Variants in CADM2 observed in about 807,000 individuals in gnomAD.
CADM2 encodes immunoglobulin superfamily member 4D.
Under a neutral mutation model 49.8 loss-of-function variants are expected in CADM2, and 12 were observed. That is an observed-to-expected ratio of 0.24 (90% CI 0.15 to 0.39). The LOEUF (loss-of-function observed/expected upper bound fraction) is 0.39. CADM2 is among the 10% of genes least tolerant of loss of function. The pLI, the probability that CADM2 is intolerant of heterozygous loss-of-function variation, is 1.00. For missense variants in CADM2, 378 were observed against 492.3 expected, an observed-to-expected ratio of 0.77 and a Z score of 2.20; for synonymous variants, 214 against 175.4, an observed-to-expected ratio of 1.22 and a Z score of -1.74.
At position 85,002,635 on chromosome 3, in the gene CADM2, C is replaced by G. The variant is rs116672325; in HGVS notation, c.61+42967C>G. Among the ~76,000 whole-genome samples the G allele has an allele frequency of 4.7e-3, 714 of 152,228 alleles. 5 individuals are homozygous for G. Among genetic ancestry groups the G allele is most frequent in the African/African-American group, 0.017 (687 of 41,546 alleles). On this transcript the variant is annotated intron_variant, in intron 1 of 9. Coordinates refer to ENST00000383699, the MANE Select transcript of CADM2 (RefSeq NM_001167675.2). Reference sequence around the variant, plus strand: ...ATTTTCAGCCTAGGCTTTCTAACAACTAGCTGGTGAATATGGTAAAGTTGA... The same window carrying G: ...ATTTTCAGCCTAGGCTTTCTAACAAGTAGCTGGTGAATATGGTAAAGTTGA...
intron 1 of CADM2, among the ~76,000 whole-genome samples, chr3:85,564,167 TTCTCTCTCTCTCTCTCTC>T (rs3086193): frequency 6.7e-6 from 1 of 149,634 alleles, no homozygotes; most frequent in Non-Finnish European, 1.5e-5. Context: ...GAAAGCATGA[TTCTCTCTCTCTCTCTCTC>T]TCTCTCTCTC....
intron 1 of CADM2, among the ~76,000 whole-genome samples, chr3:85,628,734 T>TGTATAA (rs2064210984): frequency 6.6e-6 from 1 of 150,480 alleles, no homozygotes; most frequent in Non-Finnish European, 1.5e-5. Context: ...ATTTATACAC[T>TGTATAA]ATACTCATAC....
intron 1 of CADM2, among the ~76,000 whole-genome samples, chr3:85,696,435 A>T (rs1272615404): frequency 6.6e-6 from 1 of 151,892 alleles, no homozygotes; most frequent in Non-Finnish European, 1.5e-5. Context: ...CCTTGAGTTA[A>T]TTTTTGTATA....
At chr3:85,404,547 A>T (rs2035278472) in intron 1 of CADM2, among the ~76,000 whole-genome samples, 1 of 152,056 alleles carries the variant, frequency 6.6e-6, no homozygotes, top group Non-Finnish European at 1.5e-5. Context: ...TGTTTATTTG[A>T]TTTTCTCCAG....
intron 3 of CADM2, among the ~76,000 whole-genome samples, chr3:85,855,222 C>T (rs1005830436): frequency 6.6e-6 from 1 of 152,108 alleles, no homozygotes; most frequent in Non-Finnish European, 1.5e-5. Context: ...AACACCCTCA[C>T]TAGAACACAG....
rs1021663446 is a variant in CADM2 at position 85,449,873 on chromosome 3, C to CT, written c.62-276641dup. The stretch of plus-strand genomic sequence containing the variant: ...GGTAGTAGTGACGTTGACAATACAC[C>CT]TTTTTTTTAACCTAGCCCAATGATC... On this transcript the variant is annotated intron_variant, in intron 1 of 9. Coordinates refer to ENST00000383699, the MANE Select transcript of CADM2 (RefSeq NM_001167675.2). 5.2e-4 allele frequency among the ~76,000 whole-genome samples: 79 copies of CT among 151,824 alleles called. 2 individuals carry two copies. Among genetic ancestry groups the CT allele is most frequent in the Non-Finnish European group, 1.8e-4 (12 of 67,920 alleles).
At chr3:85,313,836 T>C (rs2044401319) in intron 1 of CADM2, among the ~76,000 whole-genome samples, 1 of 152,204 alleles carries the variant, frequency 6.6e-6, no homozygotes, top group Non-Finnish European at 1.5e-5. Context: ...TGTTTTAAAA[T>C]GGAAAATGTG....
chr3:85,536,734 A>G (rs1247874834), intron 1 of CADM2, among the ~76,000 whole-genome samples: 1 of 152,054 alleles, frequency 6.6e-6, no homozygotes, highest in East Asian at 1.9e-4. Flanking sequence ...AATCAAAAAT[A>G]AAGGGAAGAT....
chr3:85,107,656 T>TTTC (rs1191446955), intron 1 of CADM2, among the ~76,000 whole-genome samples: 2 of 149,758 alleles, frequency 1.3e-5, no homozygotes, highest in African/African-American at 2.4e-5. Flanking sequence ...TCTTTCTTTC[T>TTTC]TTTTTTCCTT....
chr3:85,802,134 A>G lies in CADM2; in HGVS notation c.176A>G (p.Asp59Gly). The G allele has an allele frequency of 1.9e-6, 3 of 1,613,426 alleles. No individual in the cohort carries two copies. Among genetic ancestry groups the G allele is most frequent in the Admixed American group, 1.7e-5 (1 of 59,946 alleles). The change falls in exon 3 of 10, where the codon GAT becomes GGT. Residue 59 changes from aspartate to glycine, a missense_variant. Transcript: ENST00000383699. ...AILTCRVDQN[D>G]NTSLQWSNPA... ...TTGACCTGCAGGGTTGATCAAAATG[A>G]TAACACCTCCCTCCAGTGGTCAAAT... is the stretch of plus-strand genomic sequence containing the variant.
chr3:85,131,921 A>C (rs956059770), intron 1 of CADM2, among the ~76,000 whole-genome samples: 12 of 152,114 alleles, frequency 7.9e-5, no homozygotes, highest in Non-Finnish European at 1.5e-4. Flanking sequence ...GACACACAGA[A>C]TAATCAGGTG....
chr3:85,029,001 A>G (rs929353259), intron 1 of CADM2, among the ~76,000 whole-genome samples: 1 of 151,866 alleles, frequency 6.6e-6, no homozygotes, highest in East Asian at 1.9e-4. Context: ...GTGTTTTAAT[A>G]CTATTATAAC....
intron 1 of CADM2, among the ~76,000 whole-genome samples, chr3:85,339,922 T>A (rs1010182048): frequency 5.3e-5 from 8 of 151,390 alleles, no homozygotes; most frequent in African/African-American, 1.9e-4. Context: ...TAAATCATTT[T>A]AATATTATAA....
chr3:85,893,453 A>G (rs1224707937), intron 5 of CADM2, among the ~76,000 whole-genome samples: 1 of 152,212 alleles, frequency 6.6e-6, no homozygotes, highest in African/African-American at 2.4e-5. Context: ...CTTCATGTCT[A>G]AAACACGAAA....
chr3:85,607,099 G>T (rs1032453638), intron 1 of CADM2, among the ~76,000 whole-genome samples: 5 of 151,926 alleles, frequency 3.3e-5, no homozygotes, highest in African/African-American at 9.7e-5. Flanking sequence ...TAGATAGCTT[G>T]CCCAACATCA....
chr3:85,379,468 A>G lies in CADM2; in HGVS notation c.62-347054A>G, dbSNP rs900748583. Reference sequence around the variant, plus strand: ...TAGAAGCTGATCTGAGTTCATTCTGAGACTGGTTTTTAGGCTTGAGAAATT... The same window carrying G: ...TAGAAGCTGATCTGAGTTCATTCTGGGACTGGTTTTTAGGCTTGAGAAATT... On this transcript the variant is annotated intron_variant, in intron 1 of 9. Transcript: ENST00000383699. Among the ~76,000 whole-genome samples, 14 of 152,126 alleles carry G rather than the reference A, an allele frequency of 9.2e-5. No individual in the cohort carries two copies. In the Middle Eastern group the frequency reaches 0.01, roughly 111 times the overall value.
At chr3:85,909,907 C>A (rs1717330884) in intron 5 of CADM2, among the ~76,000 whole-genome samples, 1 of 152,106 alleles carries the variant, frequency 6.6e-6, no homozygotes, top group Admixed American at 6.6e-5. Flanking sequence ...GAAGGTCAGC[C>A]TAAAATATGA....
chr3:85,285,885 A>C lies in CADM2; in HGVS notation c.61+326217A>C, dbSNP rs1355208466. Among the ~76,000 whole-genome samples, 10 of 152,176 alleles carry C rather than the reference A, an allele frequency of 6.6e-5. No homozygotes were observed. The East Asian group carries it at 1.9e-3, about 29-fold the overall frequency. On this transcript the variant is annotated intron_variant, in intron 1 of 9. Coordinates refer to ENST00000383699, the MANE Select transcript of CADM2 (RefSeq NM_001167675.2). The stretch of plus-strand genomic sequence containing the variant: ...GTAGTGACTTGTATGAATATAAAAG[A>C]AAGTTTGAATTTCAGTTTCTGGGTG...
At chr3:85,239,323 A>G (rs1379267380) in intron 1 of CADM2, among the ~76,000 whole-genome samples, 1 of 151,774 alleles carries the variant, frequency 6.6e-6, no homozygotes, top group East Asian at 1.9e-4. Flanking sequence ...TGTGTGAAAA[A>G]CATAAATGAA....
Sources: allele counts gnomAD v4.1 joint callset (sites outside exome capture counted in the v4.1 genomes callset), GRCh38; gene constraint gnomAD v4.1.1; transcripts MANE v1.5; gene names NCBI Gene and HGNC (gene_info 2026-07-23, HGNC 2026-07-21).